Variants in VPS13A observed in about 807,000 individuals in gnomAD.
VPS13A encodes the protein intermembrane lipid transfer protein VPS13A.
In VPS13A, 264 loss-of-function variants were observed where a neutral mutation model predicts 390.9. The ratio of observed to expected loss-of-function variants is 0.68; its 90% CI spans 0.61 to 0.75. The LOEUF (loss-of-function observed/expected upper bound fraction) is 0.75. Ranked by LOEUF, VPS13A falls within the 30% of genes least tolerant of loss-of-function variation. The probability of loss-of-function intolerance (pLI) is 0.00; values close to 1 mark genes in which losing one functional copy is unlikely to be tolerated. For missense variants in VPS13A, 3,409 were observed against 3,733.9 expected (o/e 0.91, Z 2.27); for synonymous variants, 1,231 against 1,227.1 (o/e 1.00, Z -0.07).
Position 77,382,095 on chromosome 9 carries a change from A to G in VPS13A, c.9189+8A>G. 1 of 1,593,818 alleles carries G rather than the reference A, an allele frequency of 6.3e-7. No individual in the cohort carries two copies. Among genetic ancestry groups the G allele is most frequent in the Non-Finnish European group, 8.6e-7 (1 of 1,164,874 alleles). On this transcript the variant is annotated splice_region_variant and intron_variant, in intron 68 of 71. Coordinates refer to ENST00000360280, the MANE Select transcript of VPS13A (RefSeq NM_033305.3). Reference sequence around the variant, plus strand: ...GGAAATCAAATGTTACAGGTAAATTAAGAGCTATCTTATAAATTAAGATTA... The same window carrying G: ...GGAAATCAAATGTTACAGGTAAATTGAGAGCTATCTTATAAATTAAGATTA...
intron 1 of VPS13A, among the ~76,000 whole-genome samples, chr9:77,189,740 A>G (rs1240039681): frequency 1.3e-5 from 2 of 152,054 alleles, no homozygotes; most frequent in Non-Finnish European, 2.9e-5. Context: ...ATGAGCATGG[A>G]ATGTTTTTCC....
rs916051485 is a variant in VPS13A at position 77,308,038 on chromosome 9, A to T, written c.4054A>T (p.Thr1352Ser). 13 of 1,613,820 alleles carry T rather than the reference A, an allele frequency of 8.1e-6. No homozygotes were observed. Among genetic ancestry groups the T allele is most frequent in the Non-Finnish European group, 1.1e-5 (13 of 1,179,894 alleles). Residue 1352 changes from threonine to serine, a missense_variant, in exon 35 of 72, where the codon ACA (threonine) becomes TCA (serine). Coordinates refer to ENST00000360280, the MANE Select transcript of VPS13A (RefSeq NM_033305.3). ...AGATGGTAGTGCCTCACCTGCTGTA[A>T]CAAAAGACCAATACAGTGCCACTAG... ...EKDGSASPAV[T>S]KDQYSATSGV...
chr9:77,317,786 G>A, intron 40 of VPS13A, 88 bp downstream of exon 40: 1 of 984,770 alleles, frequency 1.0e-6, no homozygotes, highest in Non-Finnish European at 1.5e-6. Context: ...TCTTTTAATT[G>A]TTATGCAAAC....
At chr9:77,305,623 G>C (rs1292238092) in intron 34 of VPS13A, 1 of 196,080 alleles carries the variant, frequency 5.1e-6, no homozygotes, top group Non-Finnish European at 1.1e-5. Flanking sequence ...TGCCTTTTGA[G>C]GCCAACCCTC....
intron 68 of VPS13A, among the ~76,000 whole-genome samples, chr9:77,392,682 A>C (rs1833945561): frequency 6.6e-6 from 1 of 151,850 alleles, no homozygotes. Context: ...TTTATAATGT[A>C]GACTATTATG....
intron 46 of VPS13A, among the ~76,000 whole-genome samples, chr9:77,335,297 T>C (rs977588097): frequency 6.6e-6 from 1 of 152,188 alleles, no homozygotes; most frequent in African/African-American, 2.4e-5. Context: ...CCAATAATTT[T>C]GTCACCATTT....
At chr9:77,343,762 G>A (rs1830975792) in intron 50 of VPS13A, among the ~76,000 whole-genome samples, 1 of 152,250 alleles carries the variant, frequency 6.6e-6, no homozygotes, top group South Asian at 2.1e-4. Flanking sequence ...TCCAGATAAT[G>A]TTCATACCTG....
Position 77,412,897 on chromosome 9 carries a change from A to C in VPS13A, c.9475-3059A>C, listed in dbSNP as rs537167926. Among the ~76,000 whole-genome samples, 13 of 152,364 alleles carry C rather than the reference A, an allele frequency of 8.5e-5. No homozygotes were observed. The East Asian group carries it at 1.9e-3, about 23-fold the overall frequency. On this transcript the variant is annotated intron_variant, in intron 71 of 71. Transcript: ENST00000360280. ...CCTTAAGCTGATAGGCAACTTCAGCAAAGTCTCAGGATACAAAATCAATGT... is the reference window on the plus strand; with the variant it reads ...CCTTAAGCTGATAGGCAACTTCAGCCAAGTCTCAGGATACAAAATCAATGT...
rs57841628 is a variant in VPS13A, at chr9:77,341,691, C to CTTTTTTTTTTTTTTTT, written c.7026+1155_7026+1170dup. 2.5e-3 allele frequency among the ~76,000 whole-genome samples: 93 copies of CTTTTTTTTTTTTTTTT among 37,858 alleles called. 8 individuals carry two copies. The highest frequency in any genetic ancestry group is 2.9e-3 in the Non-Finnish European group (62 of 21,620). 24.8% of individuals were successfully genotyped at this position (37,858 alleles called of 152,430 possible). A position where few individuals can be genotyped will look rare whatever the true frequency, so the allele number is the denominator to read the frequency against. On this transcript the variant is annotated intron_variant, in intron 50 of 71. Coordinates refer to ENST00000360280, the MANE Select transcript of VPS13A (RefSeq NM_033305.3). ...AGTAAGTTCTACATGGACATCTTTC[C>CTTTTTTTTTTTTTTTT]TTTTTTTTTTTTTTTTTTTTTTTTT...
At chr9:77,369,228 G>A in intron 62 of VPS13A, 71 bp from the exon 63 acceptor site, 1 of 1,239,462 alleles carries the variant, frequency 8.1e-7, no homozygotes, top group South Asian at 1.2e-5. Flanking sequence ...CTGGGCGTGT[G>A]TTTTAAATAA....
rs1001247498 is a variant in VPS13A at position 77,194,778 on chromosome 9, C to T, written c.101-5167C>T. Among the ~76,000 whole-genome samples the T allele has an allele frequency of 5.3e-5, 8 of 151,984 alleles. No individual in the cohort carries two copies. In the South Asian group the frequency reaches 8.3e-4, roughly 16 times the overall value. ...CTTTCTCCTCCTTCAGCCCAGGATC[C>T]GCATCCTCCTTCTGTTCACTCTCAG... On this transcript the variant is annotated intron_variant, in intron 1 of 71. Coordinates refer to ENST00000360280, the MANE Select transcript of VPS13A (RefSeq NM_033305.3).
At chr9:77,376,584 T>C (rs960025601) in intron 67 of VPS13A, among the ~76,000 whole-genome samples, 1 of 152,184 alleles carries the variant, frequency 6.6e-6, no homozygotes, top group Admixed American at 6.5e-5. Flanking sequence ...TTCTAAAGTT[T>C]TTATGTGTAG....
intron 17 of VPS13A, among the ~76,000 whole-genome samples, chr9:77,228,952 A>G (rs1418325736): frequency 6.6e-6 from 1 of 152,180 alleles, no homozygotes; most frequent in African/African-American, 2.4e-5. Flanking sequence ...CCCATGATTC[A>G]AATTATCTCC....
intron 69 of VPS13A, among the ~76,000 whole-genome samples, chr9:77,404,824 A>T (rs974131388): frequency 6.6e-6 from 1 of 152,070 alleles, no homozygotes; most frequent in Non-Finnish European, 1.5e-5. Flanking sequence ...CCTGTCTGTG[A>T]TTTTTCACAT....
intron 31 of VPS13A, among the ~76,000 whole-genome samples, chr9:77,289,812 G>A (rs1827546515): frequency 2.2e-5 from 3 of 136,668 alleles, no homozygotes; most frequent in East Asian, 2.1e-4. Context: ...ACAGAGTCTT[G>A]CTCTGTCGCC....
At chr9:77,341,725 T>TTTTTTTTTTTTTTTTTTTTTTTTTA in intron 50 of VPS13A, among the ~76,000 whole-genome samples, 1 of 146,708 alleles carries the variant, frequency 6.8e-6, no homozygotes, top group African/African-American at 2.5e-5. Context: ...TTTTTTGCTT[T>TTTTTTTTTTTTTTTTTTTTTTTTTA]TGCTGTGTCT....
chr9:77,295,571 A>G lies in VPS13A; in HGVS notation c.3537A>G (p.Lys1179=). Residue 1179 remains lysine, a synonymous_variant, in exon 33 of 72, where the codon AAA becomes AAG. Coordinates refer to ENST00000360280, the MANE Select transcript of VPS13A (RefSeq NM_033305.3). ...TTATAGATAATTTTCAGGCAGCTAAACAAGCCTTGGCTGAGGCAACTGTTC... is the reference window on the plus strand; with the variant it reads ...TTATAGATAATTTTCAGGCAGCTAAGCAAGCCTTGGCTGAGGCAACTGTTC... ...LAFIDNFQAA[K]QALAEATVQA... is the part of the protein sequence containing the mutation. 1 of 1,610,214 alleles carries G rather than the reference A, an allele frequency of 6.2e-7. No individual in the cohort carries two copies. The highest frequency in any genetic ancestry group is 8.5e-7 in the Non-Finnish European group (1 of 1,177,102).
At chr9:77,386,983 C>T (rs940902642) in intron 68 of VPS13A, among the ~76,000 whole-genome samples, 9 of 151,494 alleles carry the variant, frequency 5.9e-5, no homozygotes, top group Middle Eastern at 3.4e-3. Context: ...GGATTACAGG[C>T]GTGAGCCACC....
rs1379563781 is a variant in VPS13A at position 77,365,382 on chromosome 9, G to C, written c.8212-78G>C. The C allele has an allele frequency of 6.8e-6, 6 of 881,518 alleles. No individual in the cohort carries two copies. The Admixed American group carries it at 9.5e-5, about 14-fold the overall frequency. 54.6% of individuals were successfully genotyped at this position (881,518 alleles called of 1,614,324 possible). Reference sequence around the variant, plus strand: ...GTCTGGATCTTATAGAAGAGTTTTGGCAGTGTGTCTTCTATTTGCTTAAAT... The same window carrying C: ...GTCTGGATCTTATAGAAGAGTTTTGCCAGTGTGTCTTCTATTTGCTTAAAT... On this transcript the variant is annotated intron_variant, in intron 59 of 71. Coordinates refer to ENST00000360280, the MANE Select transcript of VPS13A (RefSeq NM_033305.3).
Sources: gnomAD v4.1 joint callset for allele counts (sites outside exome capture counted in the v4.1 genomes callset) on GRCh38, gnomAD v4.1.1 for gene constraint, MANE v1.5 for transcripts, NCBI Gene and HGNC (gene_info 2026-07-23, HGNC 2026-07-21) for gene names.